RSRC1: variants seen among roughly 807,000 people sequenced by gnomAD.
RSRC1 encodes the protein serine/Arginine-related protein 53.
A neutral mutation model predicts 49.1 loss-of-function variants in RSRC1; 39 were observed. That is an observed-to-expected ratio of 0.79 (90% confidence interval 0.61 to 1.04). The LOEUF (loss-of-function observed/expected upper bound fraction) is 1.04, where lower values mean the gene tolerates loss of function less well. Ranked by LOEUF, RSRC1 falls within the 50% of genes least tolerant of loss-of-function variation. RSRC1 has a pLI of 0.00. For missense variants in RSRC1, 388 were observed against 402.4 expected, an observed-to-expected ratio of 0.96 and a Z score of 0.31; for synonymous variants, 143 against 130.8, an observed-to-expected ratio of 1.09 and a Z score of -0.63.
At chr3:158,213,304 T>C (rs2108290623) in intron 4 of RSRC1, among the ~76,000 whole-genome samples, 1 of 152,068 alleles carries the variant, frequency 6.6e-6, no homozygotes, top group South Asian at 2.1e-4. Context: ...TAAGTTGTAA[T>C]GCATTCCATT....
Position 158,141,722 on chromosome 3 carries a change from A to G in RSRC1, c.320+17731A>G, listed in dbSNP as rs78488659. 5.6e-4 allele frequency among the ~76,000 whole-genome samples: 86 copies of G among 152,240 alleles called. No individual in the cohort carries two copies. In the East Asian group the frequency reaches 0.016, roughly 29 times the overall value. On this transcript the variant is annotated intron_variant, in intron 3 of 9. Transcript: ENST00000611884. ...GTGTCTTCTTTGTTCCCCGCATTTC[A>G]TTTTAGGGAATATAAAGCATTTGTG...
intron 7 of RSRC1, among the ~76,000 whole-genome samples, chr3:158,518,141 TATA>T (rs1253470528): frequency 7.8e-5 from 9 of 115,804 alleles, no homozygotes; most frequent in Non-Finnish European, 1.5e-4. Context: ...TATATATATA[TATA>T]TATATTTTTT....
intron 4 of RSRC1, among the ~76,000 whole-genome samples, chr3:158,248,828 C>T (rs1378222292): frequency 1.3e-5 from 2 of 152,068 alleles, no homozygotes; most frequent in Non-Finnish European, 2.9e-5. Context: ...AAGCTGTTTG[C>T]CTCAAGTGAT....
intron 4 of RSRC1, among the ~76,000 whole-genome samples, chr3:158,219,046 A>C (rs1470951889): frequency 2.6e-5 from 4 of 151,684 alleles, no homozygotes; most frequent in Non-Finnish European, 3.0e-5. Context: ...ACTTAATCCA[A>C]AATTAGCCAG....
intron 5 of RSRC1, among the ~76,000 whole-genome samples, chr3:158,335,607 A>G (rs935767840): frequency 6.6e-6 from 1 of 152,210 alleles, no homozygotes; most frequent in Non-Finnish European, 1.5e-5. Context: ...TGCAATGGAA[A>G]GGATAAGTAG....
chr3:158,341,843 C>T (rs923579828), intron 5 of RSRC1, among the ~76,000 whole-genome samples: 3 of 152,264 alleles, frequency 2.0e-5, no homozygotes, highest in East Asian at 1.9e-4. Flanking sequence ...GGCAAAGTCA[C>T]GGGGTGGAGC....
intron 6 of RSRC1, among the ~76,000 whole-genome samples, chr3:158,380,582 T>G (rs1205412214): frequency 6.6e-6 from 1 of 152,224 alleles, no homozygotes; most frequent in Non-Finnish European, 1.5e-5. Flanking sequence ...AATCTCTAGT[T>G]TGCAAGTTGT....
chr3:158,157,482 A>G (rs1224997531), intron 3 of RSRC1, among the ~76,000 whole-genome samples: 3 of 152,156 alleles, frequency 2.0e-5, no homozygotes, highest in Admixed American at 1.3e-4. Flanking sequence ...TGACAGTTAA[A>G]TGTCTTTGGT....
intron 4 of RSRC1, among the ~76,000 whole-genome samples, chr3:158,275,067 T>G (rs372310699): frequency 9.2e-5 from 14 of 152,338 alleles, no homozygotes; most frequent in African/African-American, 3.4e-4. Context: ...GAAAGGTATT[T>G]ATCTAATGGC....
At chr3:158,199,071 G>T (rs1043612741) in intron 3 of RSRC1, among the ~76,000 whole-genome samples, 2 of 152,148 alleles carry the variant, frequency 1.3e-5, no homozygotes, top group Non-Finnish European at 2.9e-5. Context: ...ATCAGGGAGG[G>T]TCTTTCTCAC....
intron 4 of RSRC1, among the ~76,000 whole-genome samples, chr3:158,221,326 G>T (rs1375346948): frequency 1.3e-5 from 2 of 151,314 alleles, no homozygotes; most frequent in African/African-American, 4.8e-5. Context: ...TCAAATGGTG[G>T]TCTATTTTTC....
At chr3:158,405,814 G>A (rs1435111933) in intron 6 of RSRC1, among the ~76,000 whole-genome samples, 2 of 152,206 alleles carry the variant, frequency 1.3e-5, no homozygotes, top group East Asian at 1.9e-4. Flanking sequence ...TTGCTAGATC[G>A]AGTAGCTAAA....
intron 7 of RSRC1, among the ~76,000 whole-genome samples, chr3:158,514,276 AC>A (rs1740370499): frequency 6.6e-6 from 1 of 152,140 alleles, no homozygotes; most frequent in African/African-American, 2.4e-5. Flanking sequence ...TTCCCTCTAC[AC>A]ACTGCTTTGA....
At chr3:158,520,144 G>A (rs1002072502) in intron 7 of RSRC1, among the ~76,000 whole-genome samples, 1 of 152,128 alleles carries the variant, frequency 6.6e-6, no homozygotes, top group African/African-American at 2.4e-5. Flanking sequence ...ATTCTTATGA[G>A]AGGTAAACAA....
rs577642394 is a variant in RSRC1 at position 158,355,172 on chromosome 3, C to G, written c.583+264C>G. Among the ~76,000 whole-genome samples, 6 of 151,230 alleles carry G rather than the reference C, an allele frequency of 4.0e-5. 1 individual carries two copies. In the South Asian group the frequency reaches 1.3e-3, roughly 32 times the overall value. On this transcript the variant is annotated intron_variant, in intron 6 of 9. Transcript: ENST00000611884. ...TTTTAGTTTTTTATTTTGATGAAGC[C>G]CAATTGATTAATTTGTCTTTTATGT...
intron 5 of RSRC1, among the ~76,000 whole-genome samples, chr3:158,313,709 G>A (rs983281633): frequency 1.3e-5 from 2 of 152,184 alleles, no homozygotes; most frequent in Non-Finnish European, 2.9e-5. Flanking sequence ...AAAGGAGAAC[G>A]ATGTTGTGTC....
At chr3:158,401,441 C>T (rs184650867) in intron 6 of RSRC1, among the ~76,000 whole-genome samples, 19 of 151,970 alleles carry the variant, frequency 1.3e-4, no homozygotes, top group African/African-American at 4.3e-4. Context: ...TTATAGATTG[C>T]GATAGGACGG....
chr3:158,318,026 C>CGTGT (rs143213290), intron 5 of RSRC1, among the ~76,000 whole-genome samples: 14 of 149,416 alleles, frequency 9.4e-5, no homozygotes, highest in African/African-American at 2.4e-4. Flanking sequence ...TTTGTGTGTG[C>CGTGT]GTGTGTGTGT....
chr3:158,194,994 A>G (rs1720490622), intron 3 of RSRC1, among the ~76,000 whole-genome samples: 1 of 152,096 alleles, frequency 6.6e-6, no homozygotes. Context: ...ATGATTTATA[A>G]TCCTTTGGGT....
Sources: gnomAD v4.1 joint callset for allele counts (sites outside exome capture counted in the v4.1 genomes callset) on GRCh38, gnomAD v4.1.1 for gene constraint, MANE v1.5 for transcripts, NCBI Gene and HGNC (gene_info 2026-07-23, HGNC 2026-07-21) for gene names.